Variants in IL3RA observed in about 807,000 individuals in gnomAD.
IL3RA encodes the protein interleukin-3 receptor subunit alpha.
A neutral mutation model predicts 52.3 loss-of-function variants in IL3RA; 73 were observed. The ratio of observed to expected loss-of-function variants is 1.40; its 90% CI spans 1.16 to 1.70. The LOEUF (loss-of-function observed/expected upper bound fraction) is 1.70. Among genes scored for constraint, IL3RA ranks in the 40% most tolerant of loss-of-function variants. The pLI is 0.00. For synonymous variants in IL3RA, 260 were observed against 194.0 expected, an observed-to-expected ratio of 1.34 and a Z score of -2.83; for missense variants, 664 against 504.4, an observed-to-expected ratio of 1.32 and a Z score of -3.03.
chrX:1,378,739 G>C lies in IL3RA; in HGVS notation c.955G>C (p.Val319Leu). The C allele has an allele frequency of 6.2e-7, 1 of 1,612,470 alleles. No homozygotes were observed. Among genetic ancestry groups the C allele is most frequent in the South Asian group, 1.1e-5 (1 of 91,022 alleles). Residue 319 changes from valine (V) to leucine (L), a missense_variant, in exon 10 of 12, where the codon GTC (valine) becomes CTC (leucine). Physicochemically the swap from Val to Leu is conservative, Grantham distance 32. Transcript: ENST00000331035. ...LIALGTLLAL[V>L]CVFVICRRYL... ...CGCGCTGGGGACGCTGCTGGCCCTGGTCTGTGTCTTCGTGATCTGCAGAAG... is the reference window on the plus strand; with the variant it reads ...CGCGCTGGGGACGCTGCTGGCCCTGCTCTGTGTCTTCGTGATCTGCAGAAG...
At chrX:1,362,030 C>G (rs1376014532) in intron 8 of IL3RA, among the ~76,000 whole-genome samples, 1 of 151,898 alleles carries the variant, frequency 6.6e-6, no homozygotes, top group Non-Finnish European at 1.5e-5. Context: ...TTTTCTTTCC[C>G]TCTCTCTGTC....
In IL3RA at chrX:1,379,584, G is replaced by A. The variant is rs577377303; in HGVS notation, c.980+820G>A. ...GGGTGTCCCCAGGGTGGAGGAAGCAGGGCCGGTCCTCCCCTGCCCTGCCCA... is the reference window on the plus strand; with the variant it reads ...GGGTGTCCCCAGGGTGGAGGAAGCAAGGCCGGTCCTCCCCTGCCCTGCCCA... On this transcript the variant is annotated intron_variant, in intron 10 of 11. Coordinates refer to ENST00000331035, the MANE Select transcript of IL3RA (RefSeq NM_002183.4). 3.9e-5 allele frequency among the ~76,000 whole-genome samples: 6 copies of A among 152,384 alleles called. 1 individual carries two copies. Among genetic ancestry groups the A allele is most frequent in the African/African-American group, 1.4e-4 (6 of 41,606 alleles).
intron 4 of IL3RA, among the ~76,000 whole-genome samples, chrX:1,351,662 T>C (rs2086090211): frequency 7.4e-6 from 1 of 134,430 alleles, no homozygotes; most frequent in Non-Finnish European, 1.6e-5. Context: ...GAAGGCTCAC[T>C]CTGTCGCCCA....
intron 1 of IL3RA, among the ~76,000 whole-genome samples, 179 bp from the exon 2 acceptor site, chrX:1,341,547 TGC>T (rs377544480): frequency 1.1e-3 from 26 of 23,196 alleles, no homozygotes; most frequent in Non-Finnish European, 5.8e-3. Flanking sequence ...CACTCTGATG[TGC>T]ATGCATGTGC....
At chrX:1,380,830 A>G (rs1481675731) in intron 10 of IL3RA, among the ~76,000 whole-genome samples, 193 bp from the exon 11 acceptor site, 2 of 150,612 alleles carry the variant, frequency 1.3e-5, no homozygotes, top group East Asian at 2.0e-4. Flanking sequence ...CTTTAATTAG[A>G]CACCAGCGCC....
Position 1,345,378 on chromosome X carries a change from C to CT in IL3RA, c.129dup (p.Asn44Ter). On this transcript the variant is annotated frameshift_variant, in exon 3 of 12. Transcript: ENST00000331035. LOFTEE classifies it high-confidence loss of function. ...AAAGGCTCAGCAGTTGACCTGGGAC[C>CT]TTAACAGAAATGTGACCGATATCGA... 1 of 1,611,234 alleles carries CT rather than the reference C, an allele frequency of 6.2e-7. No individual in the cohort carries two copies. The highest frequency in any genetic ancestry group is 8.5e-7 in the Non-Finnish European group (1 of 1,178,286).
intron 8 of IL3RA, among the ~76,000 whole-genome samples, chrX:1,360,163 C>A (rs2087110722): frequency 7.6e-6 from 1 of 132,386 alleles, no homozygotes; most frequent in African/African-American, 2.7e-5. Flanking sequence ...CTCCCTTTCT[C>A]CCTCCCTCCA....
chrX:1,344,938 G>A lies in IL3RA; in HGVS notation c.65-378G>A, dbSNP rs191262631. On this transcript the variant is annotated intron_variant, in intron 2 of 11. Transcript: ENST00000331035. Reference sequence around the variant, plus strand: ...AGCACTTTGGGAGGCTGAGGCGGACGAATCATGAGGTCAGGAGATCGAGAC... The same window carrying A: ...AGCACTTTGGGAGGCTGAGGCGGACAAATCATGAGGTCAGGAGATCGAGAC... 2.8e-3 allele frequency among the ~76,000 whole-genome samples: 410 copies of A among 146,482 alleles called. 4 individuals carry two copies. Among genetic ancestry groups the A allele is most frequent in the Middle Eastern group, 0.012 (3 of 252 alleles).
Position 1,382,552 on chromosome X carries a change from C to G in IL3RA, c.*87C>G, listed in dbSNP as rs1308251980. 1.6e-6 allele frequency: 2 copies of G among 1,229,000 alleles called. No individual in the cohort carries two copies. Among genetic ancestry groups the G allele is most frequent in the South Asian group, 2.4e-5 (2 of 83,190 alleles). The allele number at this position is 1,229,000 out of a possible 1,614,324, so 76.1% of individuals were successfully genotyped here. ...ACAGACTGGCTGCTGGACCTGCGCA[C>G]GCAGCCCAGGAATGGACATTCCTAA... On this transcript the variant is annotated 3_prime_UTR_variant, in exon 12 of 12. Coordinates refer to ENST00000331035, the MANE Select transcript of IL3RA (RefSeq NM_002183.4).
At chrX:1,355,006 G>A (rs1434334110) in intron 6 of IL3RA, among the ~76,000 whole-genome samples, 1 of 4,960 alleles carries the variant, frequency 2.0e-4, no homozygotes, top group Non-Finnish European at 4.6e-4. Flanking sequence ...GAGGAGGAGG[G>A]AGGAGGGAGA....
intron 9 of IL3RA, among the ~76,000 whole-genome samples, chrX:1,377,168 C>T (rs1303773910): frequency 2.4e-4 from 37 of 152,194 alleles, no homozygotes; most frequent in Non-Finnish European, 4.7e-4. Flanking sequence ...CTGCCCATGC[C>T]CATCTCTTGA....
Position 1,363,296 on chromosome X carries a change from TTTC to T in IL3RA, c.760-1836_760-1834del, listed in dbSNP as rs1464208315. Among the ~76,000 whole-genome samples the T allele has an allele frequency of 7.6e-3, 1,126 of 148,798 alleles. 6 individuals are homozygous for T. Among genetic ancestry groups the T allele is most frequent in the Middle Eastern group, 0.018 (5 of 272 alleles). On this transcript the variant is annotated intron_variant, in intron 8 of 11. Transcript: ENST00000331035. ...TGTACCCATCAAATATGAATGGTCTTTTCTTCTTTTTTTTTTTTTTTTGAGACG... is the reference window on the plus strand; with the variant it reads ...TGTACCCATCAAATATGAATGGTCTTTTCTTTTTTTTTTTTTTTTGAGACG...
chrX:1,341,828 A>C lies in IL3RA; in HGVS notation c.63A>C (p.Glu21Asp), dbSNP rs1310069786. The C allele has an allele frequency of 6.2e-7, 1 of 1,613,874 alleles. No individual in the cohort carries two copies. The highest frequency in any genetic ancestry group is 1.1e-5 in the South Asian group (1 of 91,076). The part of the protein sequence containing the change: ...IALPCLLQTK[E>D]DPNPPITNLR... ...TGCCCTGTCTCCTGCAAACGAAGGAAGGTAAGAACTGGAGAAAAAATGCAC... is the reference window on the plus strand; with the variant it reads ...TGCCCTGTCTCCTGCAAACGAAGGACGGTAAGAACTGGAGAAAAAATGCAC... Residue 21 changes from glutamate to aspartate, a missense_variant and splice_region_variant, in exon 2 of 12, where the codon GAA becomes GAC. Physicochemically the swap from Glu to Asp is conservative, Grantham distance 45 (BLOSUM62 2). Transcript: ENST00000331035.
At chrX:1,367,673 C>T (rs1448663959) in intron 9 of IL3RA, among the ~76,000 whole-genome samples, 1 of 107,298 alleles carries the variant, frequency 9.3e-6, no homozygotes, top group Non-Finnish European at 1.9e-5. Context: ...GCCGGGTGCG[C>T]GGGGTGAGCG....
At chrX:1,361,341 T>A (rs1316688602) in intron 8 of IL3RA, among the ~76,000 whole-genome samples, 2 of 152,072 alleles carry the variant, frequency 1.3e-5, no homozygotes, top group Non-Finnish European at 2.9e-5. Context: ...ACTGGGTAAT[T>A]TATAAACAAA....
intron 9 of IL3RA, among the ~76,000 whole-genome samples, chrX:1,377,067 G>A (rs2088803559): frequency 7.0e-6 from 1 of 143,766 alleles, no homozygotes; most frequent in South Asian, 2.4e-4. Context: ...GAGGAGATGA[G>A]GACACAGACA....
rs1477545506 is a variant in IL3RA, at chrX:1,348,646, CTTTCTT to C, written c.298+103_298+108del. 3.2e-3 allele frequency: 912 copies of C among 282,280 alleles called. 30 individuals are homozygous for C. Among genetic ancestry groups the C allele is most frequent in the Non-Finnish European group, 2.2e-3 (367 of 166,720 alleles). The allele number at this position is 282,280 out of a possible 1,614,324, so 17.5% of individuals were successfully genotyped here. ...TGTGTCTTTTTTCTTTTCTTTTTCTCTTTCTTTCTTTCTTTCTTTCTTTCTTTCTTT... is the reference window on the plus strand; with the variant it reads ...TGTGTCTTTTTTCTTTTCTTTTTCTCTCTTTCTTTCTTTCTTTCTTTCTTT... On this transcript the variant is annotated intron_variant, in intron 4 of 11. Coordinates refer to ENST00000331035, the MANE Select transcript of IL3RA (RefSeq NM_002183.4).
At chrX:1,338,202 T>G (rs1180151345) in intron 1 of IL3RA, among the ~76,000 whole-genome samples, 1 of 149,578 alleles carries the variant, frequency 6.7e-6, no homozygotes, top group Non-Finnish European at 1.5e-5. Context: ...ACAAGCAGCT[T>G]TATTCACAAT....
At chrX:1,365,836 G>C (rs1483405237) in intron 9 of IL3RA, among the ~76,000 whole-genome samples, 4 of 28,292 alleles carry the variant, frequency 1.4e-4, no homozygotes, top group Admixed American at 3.3e-4. Flanking sequence ...GGGGTGAGCC[G>C]GGTGCGCGGG....
Sources: allele counts gnomAD v4.1 joint callset (sites outside exome capture counted in the v4.1 genomes callset), GRCh38; gene constraint gnomAD v4.1.1; transcripts MANE v1.5; gene names NCBI Gene and HGNC (gene_info 2026-07-23, HGNC 2026-07-21).